The following KCNQ3 variants were observed in gnomAD, a reference collection of about 807,000 sequenced individuals.
The protein encoded by KCNQ3 is potassium voltage-gated channel subfamily Q member 3.
A neutral mutation model predicts 92.5 loss-of-function variants in KCNQ3; 30 were observed. The ratio of observed to expected loss-of-function variants is 0.32; its 90% confidence interval spans 0.24 to 0.44. KCNQ3 has a LOEUF of 0.44. Ranked by LOEUF, KCNQ3 falls within the 20% of genes least tolerant of loss-of-function variation. The pLI is 1.00. For synonymous variants in KCNQ3, 450 were observed against 468.8 expected (o/e 0.96, Z 0.52); for missense variants, 913 against 1,140.3 (o/e 0.80, Z 2.87).
At chr8:132,181,629 T>C (rs1010198402) in intron 3 of KCNQ3, among the ~76,000 whole-genome samples, 35 of 152,332 alleles carry the variant, frequency 2.3e-4, no homozygotes, top group Non-Finnish European at 1.6e-4. Context: ...CAAAGCCCTC[T>C]GTGTTCTGGC....
intron 1 of KCNQ3, among the ~76,000 whole-genome samples, chr8:132,376,801 A>G (rs1819621530): frequency 6.6e-6 from 1 of 152,218 alleles, no homozygotes; most frequent in Non-Finnish European, 1.5e-5. Context: ...TTAGAGGCCT[A>G]GAGAGATAAG....
At chr8:132,211,024 C>T (rs1813835972) in intron 1 of KCNQ3, among the ~76,000 whole-genome samples, 1 of 152,192 alleles carries the variant, frequency 6.6e-6, no homozygotes, top group South Asian at 2.1e-4. Flanking sequence ...CCCTCTGGGC[C>T]CCCACAGCAC....
intron 1 of KCNQ3, among the ~76,000 whole-genome samples, chr8:132,405,953 A>T (rs1820465823): frequency 6.6e-6 from 1 of 152,154 alleles, no homozygotes; most frequent in African/African-American, 2.4e-5. Context: ...GGCAACACTG[A>T]ACTAAGCAGT....
At chr8:132,187,604 C>A (rs1317638159) in intron 1 of KCNQ3, among the ~76,000 whole-genome samples, 5 of 151,274 alleles carry the variant, frequency 3.3e-5, no homozygotes, top group African/African-American at 9.7e-5. Context: ...AGCCCCATAT[C>A]TTCTCAGTTG....
At chr8:132,246,612 A>G (rs1815189287) in intron 1 of KCNQ3, among the ~76,000 whole-genome samples, 1 of 152,222 alleles carries the variant, frequency 6.6e-6, no homozygotes, top group South Asian at 2.1e-4. Context: ...GAAATATTTG[A>G]TAGATTGTTA....
At chr8:132,170,847 A>C (rs191915972) in intron 7 of KCNQ3, among the ~76,000 whole-genome samples, 139 of 144,876 alleles carry the variant, frequency 9.6e-4, no homozygotes, top group African/African-American at 3.5e-3. Flanking sequence ...CTTCATCTCT[A>C]CAAAAAAAAA....
intron 1 of KCNQ3, among the ~76,000 whole-genome samples, chr8:132,376,760 C>A (rs1175634116): frequency 6.6e-6 from 1 of 152,168 alleles, no homozygotes; most frequent in Non-Finnish European, 1.5e-5. Context: ...AAAATCAGAG[C>A]AGGAATTGTT....
chr8:132,395,952 G>A (rs901850921), intron 1 of KCNQ3, among the ~76,000 whole-genome samples: 1 of 152,188 alleles, frequency 6.6e-6, no homozygotes, highest in Non-Finnish European at 1.5e-5. Flanking sequence ...TCACAGCCGG[G>A]CCTGAGTTCA....
intron 9 of KCNQ3, among the ~76,000 whole-genome samples, chr8:132,156,364 G>A (rs1007215): frequency 0.4 from 60,791 of 151,806 alleles, 12,542 homozygotes; most frequent in East Asian, 0.48. Flanking sequence ...AATTACAAGG[G>A]AAGCCAGGTT....
intron 1 of KCNQ3, among the ~76,000 whole-genome samples, chr8:132,446,592 G>A (rs1821683065): frequency 6.6e-6 from 1 of 152,184 alleles, no homozygotes; most frequent in Non-Finnish European, 1.5e-5. Flanking sequence ...AAGGCAACCA[G>A]GATGAGTCTA....
At chr8:132,182,995 G>A (rs1306768633) in intron 3 of KCNQ3, among the ~76,000 whole-genome samples, 1 of 151,984 alleles carries the variant, frequency 6.6e-6, no homozygotes, top group Non-Finnish European at 1.5e-5. Context: ...TGGGAATAGG[G>A]CAGAGATTTC....
At chr8:132,140,506 CA>C (rs1273523446) in intron 10 of KCNQ3, 3 of 344,814 alleles carry the variant, frequency 8.7e-6, no homozygotes, top group Admixed American at 9.1e-5. Flanking sequence ...CAGAAGCCAG[CA>C]AACAACACAC....
chr8:132,227,496 C>A (rs185618180), intron 1 of KCNQ3, among the ~76,000 whole-genome samples: 3 of 152,326 alleles, frequency 2.0e-5, no homozygotes, highest in African/African-American at 7.2e-5. Context: ...GGGAACCCAA[C>A]ACCTTGCTGA....
intron 1 of KCNQ3, among the ~76,000 whole-genome samples, chr8:132,227,084 T>C (rs1259603342): frequency 1.4e-5 from 2 of 146,654 alleles, no homozygotes; most frequent in Non-Finnish European, 3.0e-5. Flanking sequence ...TTTTTTTAGA[T>C]GGAGTCTCGC....
intron 1 of KCNQ3, among the ~76,000 whole-genome samples, chr8:132,456,686 C>CT (rs1267209238): frequency 3.9e-5 from 6 of 151,936 alleles, no homozygotes; most frequent in African/African-American, 1.5e-4. Flanking sequence ...TGGCAGCTCA[C>CT]TGCAAAACTC....
chr8:132,175,772 T>C (rs181973237), intron 4 of KCNQ3, among the ~76,000 whole-genome samples, 164 bp from the exon 5 acceptor site: 1 of 152,326 alleles, frequency 6.6e-6, no homozygotes, highest in Admixed American at 6.5e-5. Context: ...TAAAATGGGA[T>C]CATTAACATG....
intron 1 of KCNQ3, among the ~76,000 whole-genome samples, chr8:132,223,513 A>AGGAG (rs1814305262): frequency 6.6e-6 from 1 of 152,338 alleles, no homozygotes; most frequent in South Asian, 2.1e-4. Context: ...ATTAGTTATA[A>AGGAG]TTAAGATTTG....
chr8:132,286,898 C>T (rs1479204239), intron 1 of KCNQ3, among the ~76,000 whole-genome samples: 2 of 152,104 alleles, frequency 1.3e-5, no homozygotes, highest in East Asian at 3.9e-4. Flanking sequence ...GAGAGGTTAC[C>T]TCTCCCATTT....
intron 11 of KCNQ3, among the ~76,000 whole-genome samples, chr8:132,139,404 C>T (rs1825211990): frequency 6.6e-6 from 1 of 152,254 alleles, no homozygotes; most frequent in African/African-American, 2.4e-5. Flanking sequence ...GAGGTCTACA[C>T]ACTGTAACAC....
Sources: allele counts gnomAD v4.1 joint callset (sites outside exome capture counted in the v4.1 genomes callset), GRCh38; gene constraint gnomAD v4.1.1; transcripts MANE v1.5; gene names NCBI Gene and HGNC (gene_info 2026-07-23, HGNC 2026-07-21).